Variants in VPS13A observed in about 807,000 individuals in gnomAD.
VPS13A encodes the protein intermembrane lipid transfer protein VPS13A.
A neutral mutation model predicts 390.9 loss-of-function variants in VPS13A; 264 were observed. The ratio of observed to expected loss-of-function variants is 0.68; its 90% CI spans 0.61 to 0.75. The LOEUF is 0.75. Among genes scored for constraint, VPS13A ranks in the 30% least tolerant of loss-of-function variants. The probability of loss-of-function intolerance (pLI) is 0.00; values close to 1 mark genes in which losing one functional copy is unlikely to be tolerated. For synonymous variants in VPS13A, 1,231 were observed against 1,227.1 expected, an observed-to-expected ratio of 1.00 and a Z score of -0.07; for missense variants, 3,409 against 3,733.9, an observed-to-expected ratio of 0.91 and a Z score of 2.27.
chr9:77,350,379 A>T (rs1206908074), intron 52 of VPS13A, among the ~76,000 whole-genome samples: 1 of 152,288 alleles, frequency 6.6e-6, no homozygotes. Flanking sequence ...TGTTCACTAC[A>T]GGTTCCTCAA....
rs757010076 is a variant in VPS13A at position 77,238,303 on chromosome 9, G to C, written c.1817G>C (p.Arg606Thr). 4 of 1,613,934 alleles carry C rather than the reference G, an allele frequency of 2.5e-6. No homozygotes were observed. The highest frequency in any genetic ancestry group is 2.5e-6 in the Non-Finnish European group (3 of 1,179,932). ...GTGAATAGTATAGTGGAATTCTTCA[G>C]ACCTCCAAAAGAGGTACATCTAGCA... ...RTVNSIVEFF[R>T]PPKEVHLAQL... is the part of the protein sequence containing the mutation. The change falls in exon 19 of 72, where the codon AGA (arginine) becomes ACA (threonine). Residue 606 changes from arginine (R) to threonine (T), a missense_variant. Around this residue, in one of 5 missense-constraint regions of VPS13A, gnomAD observed 2,717 missense variants for 2,917.4 expected, o/e 0.93. Transcript: ENST00000360280.
At chr9:77,177,946 G>C (rs2131031181) in intron 1 of VPS13A, 142 bp downstream of exon 1, 6 of 683,694 alleles carry the variant, frequency 8.8e-6, no homozygotes, top group South Asian at 7.0e-5. Flanking sequence ...TGTGGGTCAA[G>C]TTACGTAAAG....
rs572857981 is a variant in VPS13A, at chr9:77,386,946, C to T, written c.9189+4859C>T. 2.4e-4 allele frequency among the ~76,000 whole-genome samples: 37 copies of T among 151,986 alleles called. 1 individual carries two copies. The highest frequency in any genetic ancestry group is 2.1e-3 in the South Asian group (10 of 4,810). ...ATGGTCTCGATCTGACCTCGTGATCCGCCTGCCTCGGCCTCCCAAGGTGCT... is the reference window on the plus strand; with the variant it reads ...ATGGTCTCGATCTGACCTCGTGATCTGCCTGCCTCGGCCTCCCAAGGTGCT... On this transcript the variant is annotated intron_variant, in intron 68 of 71. Transcript: ENST00000360280.
chr9:77,404,667 C>G (rs148818060), intron 69 of VPS13A, among the ~76,000 whole-genome samples: 6 of 152,180 alleles, frequency 3.9e-5, no homozygotes, highest in African/African-American at 9.7e-5. Context: ...TTAGATGAGG[C>G]CATGGTGCCT....
chr9:77,226,428 GATA>G (rs1446212108), intron 14 of VPS13A, 35 bp from the exon 15 acceptor site: 2 of 1,569,886 alleles, frequency 1.3e-6, no homozygotes, highest in Admixed American at 3.3e-5. Flanking sequence ...CTAAATAAAG[GATA>G]ATGTGTCATT....
chr9:77,235,022 A>G (rs1824061530), intron 17 of VPS13A, among the ~76,000 whole-genome samples: 1 of 152,172 alleles, frequency 6.6e-6, no homozygotes, highest in African/African-American at 2.4e-5. Context: ...GTCTAGGTTT[A>G]TATTTGTTTT....
intron 1 of VPS13A, among the ~76,000 whole-genome samples, chr9:77,196,681 T>G (rs553759764): frequency 2.6e-4 from 40 of 152,172 alleles, no homozygotes; most frequent in African/African-American, 8.4e-4. Context: ...TTTTGTTTTT[T>G]TTTTTAAATG....
chr9:77,316,110 C>G, intron 38 of VPS13A, 64 bp from the exon 39 acceptor site: 1 of 894,338 alleles, frequency 1.1e-6, no homozygotes, highest in Non-Finnish European at 1.5e-6. Context: ...TTAATATTTT[C>G]TTATAAATAA....
intron 68 of VPS13A, among the ~76,000 whole-genome samples, chr9:77,398,244 T>G (rs969398977): frequency 6.6e-6 from 1 of 152,238 alleles, no homozygotes; most frequent in East Asian, 1.9e-4. Flanking sequence ...TGAGGTACCA[T>G]GAGGAAAGTA....
At position 77,221,210 on chromosome 9, in the gene VPS13A, C is replaced by A; in HGVS notation, c.1015C>A (p.Leu339Ile). The A allele has an allele frequency of 6.2e-7, 1 of 1,613,168 alleles. No individual in the cohort carries two copies. Among genetic ancestry groups the A allele is most frequent in the Non-Finnish European group, 8.5e-7 (1 of 1,179,468 alleles). Residue 339 changes from leucine (L) to isoleucine (I), a missense_variant, in exon 13 of 72, where the codon CTT (leucine) becomes ATT (isoleucine). Leu to Ile is a conservative substitution (Grantham distance 5, BLOSUM62 2). Coordinates refer to ENST00000360280, the MANE Select transcript of VPS13A (RefSeq NM_033305.3). ...GTGGGCTTATGCTATACATGGCGTTCTTGAAGTAAATGTTTGCCCCAGGTT... is the reference window on the plus strand; with the variant it reads ...GTGGGCTTATGCTATACATGGCGTTATTGAAGTAAATGTTTGCCCCAGGTT... ...EWWAYAIHGVLEVNVCPRLWM... is the reference protein window; with the variant it reads ...EWWAYAIHGVIEVNVCPRLWM...
chr9:77,313,981 AT>A lies in VPS13A; in HGVS notation c.4115-5del. ...TATTTTCTTTTATTAAATAACTTTAATTTTTTCAAGGAGCAACTGTGGTGAC... is the reference window on the plus strand; with the variant it reads ...TATTTTCTTTTATTAAATAACTTTAATTTTTCAAGGAGCAACTGTGGTGAC... On this transcript the variant is annotated splice_polypyrimidine_tract_variant and intron_variant, in intron 35 of 71. Transcript: ENST00000360280. 4 of 1,608,942 alleles carry A rather than the reference AT, an allele frequency of 2.5e-6. No homozygotes were observed. Among genetic ancestry groups the A allele is most frequent in the Non-Finnish European group, 3.4e-6 (4 of 1,177,262 alleles).
chr9:77,393,633 A>G (rs1314166435), intron 68 of VPS13A, among the ~76,000 whole-genome samples: 3 of 152,346 alleles, frequency 2.0e-5, no homozygotes, highest in South Asian at 2.1e-4. Flanking sequence ...AATCTCGTAC[A>G]TCTTCATCAG....
intron 23 of VPS13A, among the ~76,000 whole-genome samples, chr9:77,269,121 T>G (rs1324081310): frequency 6.6e-6 from 1 of 152,190 alleles, no homozygotes; most frequent in Non-Finnish European, 1.5e-5. Flanking sequence ...ATTGAGCTTT[T>G]TGTATCACAT....
chr9:77,379,074 T>C (rs1011133788), intron 67 of VPS13A, among the ~76,000 whole-genome samples: 3 of 135,662 alleles, frequency 2.2e-5, no homozygotes, highest in African/African-American at 8.3e-5. Flanking sequence ...CCTTTTTTTT[T>C]TTTTTTTTTT....
At chr9:77,248,316 T>C (rs902094011) in intron 20 of VPS13A, among the ~76,000 whole-genome samples, 7 of 151,062 alleles carry the variant, frequency 4.6e-5, no homozygotes, top group Admixed American at 1.3e-4. Context: ...CCTGGGTTCA[T>C]GCCATTCTCC....
chr9:77,248,538 T>G (rs1824964834), intron 20 of VPS13A, among the ~76,000 whole-genome samples: 1 of 151,890 alleles, frequency 6.6e-6, no homozygotes, highest in Non-Finnish European at 1.5e-5. Context: ...AATTATATAC[T>G]TTTTTCTTTC....
intron 68 of VPS13A, among the ~76,000 whole-genome samples, chr9:77,398,633 T>C (rs1834219556): frequency 6.6e-6 from 1 of 152,170 alleles, no homozygotes; most frequent in African/African-American, 2.4e-5. Flanking sequence ...TTGTAGACTT[T>C]TTACAGCGTG....
At chr9:77,273,137 A>T in intron 23 of VPS13A, 143 bp from the exon 24 acceptor site, 2 of 652,546 alleles carry the variant, frequency 3.1e-6, no homozygotes, top group Admixed American at 3.1e-5. Flanking sequence ...TATTTTTCTA[A>T]TTTAAACCTG....
At chr9:77,365,883 A>G (rs1234050901) in intron 60 of VPS13A, among the ~76,000 whole-genome samples, 2 of 152,114 alleles carry the variant, frequency 1.3e-5, no homozygotes, top group African/African-American at 2.4e-5. Context: ...AAAGTAATTT[A>G]TAAAGTAGCC....
Sources: allele counts gnomAD v4.1 joint callset (sites outside exome capture counted in the v4.1 genomes callset), GRCh38; gene constraint gnomAD v4.1.1; regional missense constraint gnomAD v4.1.1; transcripts MANE v1.5; gene names NCBI Gene and HGNC (gene_info 2026-07-23, HGNC 2026-07-21).